The following BIRC7 variants were observed in gnomAD, a reference collection of about 807,000 sequenced individuals.
BIRC7 encodes the protein baculoviral IAP repeat containing 7.
BIRC7 carries 26 observed loss-of-function variants against 33.2 expected under a neutral mutation model. The observed-to-expected ratio is 0.78, with a 90% CI of 0.57 to 1.09. The LOEUF is 1.09. Among genes scored for constraint, BIRC7 ranks in the 50% least tolerant of loss-of-function variants. The pLI, the probability that BIRC7 is intolerant of heterozygous loss-of-function variation, is 0.00. For missense variants in BIRC7, 409 were observed against 401.2 expected, an observed-to-expected ratio of 1.02 and a Z score of -0.17; for synonymous variants, 176 against 171.0, an observed-to-expected ratio of 1.03 and a Z score of -0.23.
intron 1 of BIRC7, 59 bp from the exon 2 acceptor site, chr20:63,237,844 A>ACCGGGGGC: frequency 6.8e-7 from 1 of 1,463,618 alleles, no homozygotes; most frequent in Non-Finnish European, 9.2e-7. Context: ...GGAAGGACAC[A>ACCGGGGGC]CCGGGGGCCC....
At position 63,236,096 on chromosome 20, in the gene BIRC7, C is replaced by T. The variant is rs1005551713; in HGVS notation, c.-1C>T. On this transcript the variant is annotated 5_prime_UTR_variant, in exon 1 of 7. Transcript: ENST00000217169. ...ACCTGGTCAGAGCCAGTGTTCCCTCCATGGGACCTAAAGACAGTGCCAAGT... is the reference window on the plus strand; with the variant it reads ...ACCTGGTCAGAGCCAGTGTTCCCTCTATGGGACCTAAAGACAGTGCCAAGT... 1.9e-6 allele frequency: 3 copies of T among 1,539,156 alleles called. No homozygotes were observed. Among genetic ancestry groups the T allele is most frequent in the Admixed American group, 3.8e-5 (2 of 52,914 alleles).
intron 2 of BIRC7, 38 bp from the exon 3 acceptor site, chr20:63,238,358 G>T (rs1451407922): frequency 2.5e-6 from 4 of 1,607,748 alleles, no homozygotes; most frequent in South Asian, 1.1e-5. Context: ...GACAGTGGGG[G>T]CCCTGAACCC....
rs776444154 is a variant in BIRC7 at position 63,236,296 on chromosome 20, A to T, written c.200A>T (p.Glu67Val). 1 of 1,611,548 alleles carries T rather than the reference A, an allele frequency of 6.2e-7. No individual in the cohort carries two copies. The highest frequency in any genetic ancestry group is 2.2e-5 in the East Asian group (1 of 44,860). ...CTGCGGCCCCTGACAGAGGAGGAAG[A>T]GGAGGAGGGCGCCGGGGCCACCTTG... ...GQLRPLTEEE[E>V]EEGAGATLSR... The change falls in exon 1 of 7, where the codon GAG becomes GTG. Residue 67 changes from glutamate to valine, a missense_variant. By Grantham distance (121) the Glu-to-Val change is moderately radical. Transcript: ENST00000217169.
rs757382043 is a variant in BIRC7 at position 63,238,008 on chromosome 20, G to T, written c.449+6G>T. On this transcript the variant is annotated splice_donor_region_variant and intron_variant, in intron 2 of 6. Transcript: ENST00000217169. ...CATGCCAAGTGGTTCCCCAGGTACC[G>T]GCTGCCCCTGCGGGGCCCCGGGTCT... 1 of 1,585,704 alleles carries T rather than the reference G, an allele frequency of 6.3e-7. No individual in the cohort carries two copies. The highest frequency in any genetic ancestry group is 1.9e-5 in the Admixed American group (1 of 53,822).
chr20:63,236,208 C>G lies in BIRC7; in HGVS notation c.112C>G (p.Pro38Ala). Reference protein sequence around the residue: ...ERCGPRSLGSPVLGLDTCRAW... With the variant: ...ERCGPRSLGSAVLGLDTCRAW... ...CTGTGGACCCCGCTCTCTGGGCAGC[C>G]CTGTCCTAGGCCTGGACACCTGCAG... The change falls in exon 1 of 7, where the codon CCT becomes GCT. Residue 38 changes from proline to alanine, a missense_variant. Coordinates refer to ENST00000217169, the MANE Select transcript of BIRC7 (RefSeq NM_139317.3). The G allele has an allele frequency of 6.3e-7, 1 of 1,589,788 alleles. No homozygotes were observed. Among genetic ancestry groups the G allele is most frequent in the East Asian group, 2.3e-5 (1 of 43,768 alleles).
rs369947625 is a variant in BIRC7, at chr20:63,236,485, G to A, written c.349+40G>A. 11 of 1,502,070 alleles carry A rather than the reference G, an allele frequency of 7.3e-6. No homozygotes were observed. In the African/African-American group the frequency reaches 1.4e-4, roughly 19 times the overall value. 93.0% of individuals were successfully genotyped at this position (1,502,070 alleles called of 1,614,324 possible). A position where few individuals can be genotyped will look rare whatever the true frequency, so the allele number is the denominator to read the frequency against. On this transcript the variant is annotated intron_variant, in intron 1 of 6. Transcript: ENST00000217169. ...GGGGGGCCTTCCTGCCGTGGGCCTG[G>A]GCACGATTCTGGACCCTTCCAGCCC... is the stretch of plus-strand genomic sequence containing the variant.
At chr20:63,239,068 C>A in intron 4 of BIRC7, 94 bp from the exon 5 acceptor site, 2 of 1,334,962 alleles carry the variant, frequency 1.5e-6, no homozygotes, top group Non-Finnish European at 2.1e-6. Flanking sequence ...CACTCCCGGC[C>A]AGAACTGGAC....
intron 2 of BIRC7, 44 bp from the exon 3 acceptor site, chr20:63,238,352 G>T: frequency 6.2e-7 from 1 of 1,606,540 alleles, no homozygotes; most frequent in Non-Finnish European, 8.5e-7. Context: ...GAAGCAGACA[G>T]TGGGGGCCCT....
intron 3 of BIRC7, 28 bp downstream of exon 3, chr20:63,238,505 G>A (rs539371735): frequency 2.2e-5 from 36 of 1,612,856 alleles, no homozygotes; most frequent in African/African-American, 2.7e-5. Flanking sequence ...TCGGGGCTCC[G>A]GGTGGCAGTG....
rs557505715 is a variant in BIRC7, at chr20:63,239,374, C to G, written c.666C>G (p.Ala222=). The change falls in exon 6 of 7, where the codon GCC becomes GCG. Residue 222 remains alanine (A), a synonymous_variant. Transcript: ENST00000217169. ...SAQEPGGVSP[A]EAQRAWWVLE... Reference sequence around the variant, plus strand: ...TCCTCCTAGGAGGGGTCAGTCCAGCCGAGGCCCAGAGGGCGTGGTGGGTTC... The same window carrying G: ...TCCTCCTAGGAGGGGTCAGTCCAGCGGAGGCCCAGAGGGCGTGGTGGGTTC... 3 of 1,603,602 alleles carry G rather than the reference C, an allele frequency of 1.9e-6. No homozygotes were observed. Among genetic ancestry groups the G allele is most frequent in the Non-Finnish European group, 2.5e-6 (3 of 1,179,730 alleles).
chr20:63,238,786 G>A, intron 4 of BIRC7, 172 bp downstream of exon 4: 1 of 899,322 alleles, frequency 1.1e-6, no homozygotes, highest in Non-Finnish European at 1.7e-6. Context: ...TGAGGGTGGG[G>A]GCGGGGCGGC....
At chr20:63,237,045 T>C (rs6090320) in intron 1 of BIRC7, among the ~76,000 whole-genome samples, 74,454 of 152,184 alleles carry the variant, frequency 0.49, 19,391 homozygotes, top group East Asian at 0.84. Context: ...AGGTCCCAGC[T>C]CTGCCACTTC....
intron 6 of BIRC7, among the ~76,000 whole-genome samples, chr20:63,239,961 A>T (rs1236199312): frequency 6.6e-6 from 1 of 152,246 alleles, no homozygotes; most frequent in Non-Finnish European, 1.5e-5. Flanking sequence ...GGCTTACACA[A>T]GCGAGACACT....
At chr20:63,240,025 G>A (rs1257531910) in intron 6 of BIRC7, among the ~76,000 whole-genome samples, 1 of 152,266 alleles carries the variant, frequency 6.6e-6, no homozygotes, top group Non-Finnish European at 1.5e-5. Flanking sequence ...CACGGGAAGG[G>A]GGTGTGTGAA....
chr20:63,237,930 T>A lies in BIRC7; in HGVS notation c.377T>A (p.Phe126Tyr). The A allele has an allele frequency of 3.7e-6, 6 of 1,607,012 alleles. No individual in the cohort carries two copies. Among genetic ancestry groups the A allele is most frequent in the Non-Finnish European group, 4.2e-6 (5 of 1,177,892 alleles). ...TGHQDKVRCF[F>Y]CYGGLQSWKR... ...CATCAGGACAAGGTGAGGTGCTTCT[T>A]CTGCTATGGGGGCCTGCAGAGCTGG... Residue 126 changes from phenylalanine to tyrosine, a missense_variant, in exon 2 of 7, where the codon TTC becomes TAC. Coordinates refer to ENST00000217169, the MANE Select transcript of BIRC7 (RefSeq NM_139317.3).
chr20:63,238,102 GC>G, intron 2 of BIRC7, 100 bp downstream of exon 2: 1 of 1,154,572 alleles, frequency 8.7e-7, no homozygotes, highest in Non-Finnish European at 1.2e-6. Flanking sequence ...TGCCTCCCTG[GC>G]CCCACAGGGC....
chr20:63,238,713 G>C, intron 4 of BIRC7, 99 bp downstream of exon 4: 1 of 1,491,854 alleles, frequency 6.7e-7, no homozygotes, highest in South Asian at 1.2e-5. Context: ...AGCAGGGAGA[G>C]TGACGGGCAC....
intron 1 of BIRC7, 56 bp from the exon 2 acceptor site, chr20:63,237,847 G>A (rs558452370): frequency 1.5e-4 from 215 of 1,460,068 alleles, no homozygotes; most frequent in Non-Finnish European, 1.8e-4. Flanking sequence ...AGGACACACC[G>A]GGGGCCCGGG....
At position 63,239,192 on chromosome 20, in the gene BIRC7, C is replaced by G; in HGVS notation, c.608C>G (p.Thr203Arg). 6.2e-7 allele frequency: 1 copy of G among 1,612,876 alleles called. No individual in the cohort carries two copies. ...GCCTCTGGGTACCCTGAGCTGCCCA[C>G]ACCCAGGAGAGAGGTCCAGTCTGAA... ...VPASGYPELP[T>R]PRREVQSESA... The change falls in exon 5 of 7, where the codon ACA becomes AGA. Residue 203 changes from threonine (T) to arginine (R), a missense_variant. Thr to Arg is a moderately conservative substitution (Grantham distance 71, BLOSUM62 -1). Transcript: ENST00000217169.
Sources: gnomAD v4.1 joint callset for allele counts (sites outside exome capture counted in the v4.1 genomes callset) on GRCh38, gnomAD v4.1.1 for gene constraint, MANE v1.5 for transcripts, NCBI Gene and HGNC (gene_info 2026-07-23, HGNC 2026-07-21) for gene names.